PKHD1L1: variants seen among roughly 807,000 people sequenced by gnomAD.
PKHD1L1 encodes the protein PKHD1 like 1, also known as fibrocystin-L.
PKHD1L1 carries 434 observed loss-of-function variants against 462.9 expected under a neutral mutation model. That is an observed-to-expected ratio of 0.94 (90% CI 0.87 to 1.02). The LOEUF (loss-of-function observed/expected upper bound fraction) is 1.02. PKHD1L1 is among the 50% of genes least tolerant of loss of function. The pLI is 0.00. For synonymous variants in PKHD1L1, 1,781 were observed against 1,750.0 expected (o/e 1.02, Z -0.44); for missense variants, 5,202 against 5,096.1 (o/e 1.02, Z -0.63).
rs577476193 is a variant in PKHD1L1, at chr8:109,536,474, A to G, written c.*6384A>G. On this transcript the variant is annotated 3_prime_UTR_variant, in exon 78 of 78. Coordinates refer to ENST00000378402, the MANE Select transcript of PKHD1L1 (RefSeq NM_177531.6). ...TTTTATGTTGGTTGTATGAATTTCA[A>G]TACATTTACTGTTAGAAATAACAAA... Among the ~76,000 whole-genome samples the G allele has an allele frequency of 6.6e-6, 1 of 152,342 alleles. No homozygotes were observed. Among genetic ancestry groups the G allele is most frequent in the East Asian group, 1.9e-4 (1 of 5,190 alleles).
intron 19 of PKHD1L1, among the ~76,000 whole-genome samples, chr8:109,410,653 C>T: frequency 6.6e-6 from 1 of 151,306 alleles, no homozygotes; most frequent in African/African-American, 2.4e-5. Context: ...ATTCAACATG[C>T]GATTTGGTGG....
At position 109,429,991 on chromosome 8, in the gene PKHD1L1, G is replaced by A. The variant is rs914091888; in HGVS notation, c.3183G>A (p.Trp1061Ter). The part of the protein sequence containing the change: ...AKCSGDCGFT[W>*]DSNITPLVLA... ...GTTCAGGTGACTGTGGATTTACATG[G>A]GATTCCAACATTACTCCCCTAGTCT... Residue 1061 changes from tryptophan to a stop codon, truncating the protein, a stop_gained, in exon 27 of 78, where the codon TGG becomes TGA. Transcript: ENST00000378402. LOFTEE classifies it high-confidence loss of function. The A allele has an allele frequency of 1.2e-6, 2 of 1,610,698 alleles. No homozygotes were observed. Among genetic ancestry groups the A allele is most frequent in the Non-Finnish European group, 8.5e-7 (1 of 1,178,778 alleles).
intron 2 of PKHD1L1, among the ~76,000 whole-genome samples, chr8:109,372,396 G>T (rs1811559617): frequency 2.0e-5 from 3 of 152,190 alleles, no homozygotes; most frequent in African/African-American, 7.2e-5. Context: ...AGCTTAAGGA[G>T]ATTTTGGGCT....
In PKHD1L1 at chr8:109,435,200, C is replaced by A. The variant is rs767804271; in HGVS notation, c.3351C>A (p.Leu1117=). 8.7e-6 allele frequency: 14 copies of A among 1,612,962 alleles called. No individual in the cohort carries two copies. The highest frequency in any genetic ancestry group is 1.2e-5 in the Non-Finnish European group (14 of 1,179,548). ...TCTTTTTTTCACAAGAAAAAGAGCTCAAGTGCCAGATTCTGAATGGAAGTG... is the reference window on the plus strand; with the variant it reads ...TCTTTTTTTCACAAGAAAAAGAGCTAAAGTGCCAGATTCTGAATGGAAGTG... The part of the protein sequence containing the change: ...CSLLSVDEKE[L]KCQILNGSAG... The change falls in exon 29 of 78, where the codon CTC becomes CTA. Residue 1117 remains leucine, a synonymous_variant. Transcript: ENST00000378402.
intron 2 of PKHD1L1, among the ~76,000 whole-genome samples, chr8:109,374,793 G>A (rs1811716785): frequency 6.6e-6 from 1 of 152,144 alleles, no homozygotes; most frequent in African/African-American, 2.4e-5. Flanking sequence ...ATTCTGGGTT[G>A]AAAATTCTTT....
Position 109,454,819 on chromosome 8 carries a change from C to T in PKHD1L1, c.6841C>T (p.Leu2281=), listed in dbSNP as rs201606878. Residue 2281 remains leucine, a synonymous_variant, in exon 45 of 78, where the codon CTG becomes TTG. Coordinates refer to ENST00000378402, the MANE Select transcript of PKHD1L1 (RefSeq NM_177531.6). The part of the protein sequence containing the change: ...PELPVYGAKT[L]AVREGILDLH... ...GCTCCCTGTCTATGGTGCCAAAACA[C>T]TGGCTGTGCGGGAGGGAATCCTGGA... 4.3e-4 allele frequency: 686 copies of T among 1,613,824 alleles called. 8 individuals carry two copies. The African/African-American group carries it at 7.7e-3, about 18-fold the overall frequency.
At chr8:109,437,484 C>A (rs1055842037) in intron 30 of PKHD1L1, among the ~76,000 whole-genome samples, 7 of 113,912 alleles carry the variant, frequency 6.1e-5, no homozygotes, top group African/African-American at 2.3e-4. Context: ...CTAATGCTAT[C>A]CCTCCCCCCT....
rs751048048 is a variant in PKHD1L1 at position 109,476,647 on chromosome 8, C to T, written c.8897C>T (p.Thr2966Ile). The T allele has an allele frequency of 1.3e-6, 2 of 1,599,352 alleles. No individual in the cohort carries two copies. Among genetic ancestry groups the T allele is most frequent in the Admixed American group, 3.4e-5 (2 of 58,102 alleles). Residue 2966 changes from threonine to isoleucine, a missense_variant, in exon 52 of 78, where the codon ACT becomes ATT. Thr to Ile is a moderately conservative substitution (Grantham distance 89). Transcript: ENST00000378402. Reference protein sequence around the residue: ...KNGDWHLEANTSTLYYLVSGR... With the variant: ...KNGDWHLEANISTLYYLVSGR... ...GGGGACTGGCACCTTGAAGCAAACA[C>T]TAGTACTCTATATTACTTGGGTATG...
Position 109,510,860 on chromosome 8 carries a change from T to A in PKHD1L1, c.11479T>A (p.Ser3827Thr). 1 of 1,613,358 alleles carries A rather than the reference T, an allele frequency of 6.2e-7. No individual in the cohort carries two copies. Among genetic ancestry groups the A allele is most frequent in the Non-Finnish European group, 8.5e-7 (1 of 1,179,502 alleles). Residue 3827 changes from serine (S) to threonine (T), a missense_variant, in exon 71 of 78, where the codon TCT becomes ACT. By Grantham distance (58) the Ser-to-Thr change is moderately conservative. Coordinates refer to ENST00000378402, the MANE Select transcript of PKHD1L1 (RefSeq NM_177531.6). ...LFHSIVALNK[S>T]YEVYFTGTSP... The stretch of plus-strand genomic sequence containing the variant: ...TCACAGCATTGTGGCTCTGAACAAA[T>A]CTTATGAAGTTTACTTCACTGGCAC...
intron 62 of PKHD1L1, 95 bp from the exon 63 acceptor site, chr8:109,493,566 A>G (rs1369734691): frequency 1.8e-5 from 11 of 616,994 alleles, no homozygotes; most frequent in African/African-American, 3.8e-5. Flanking sequence ...TCATAATTAA[A>G]GGTTTTCATA....
chr8:109,362,496 A>AG lies in PKHD1L1; in HGVS notation c.-84dup. On this transcript the variant is annotated 5_prime_UTR_variant, in exon 1 of 78. Coordinates refer to ENST00000378402, the MANE Select transcript of PKHD1L1 (RefSeq NM_177531.6). ...TCTCCCGGGACGAAGCGGGCCCGCC[A>AG]GCGAGTCGCAGTCCCAGGAGCCGAG... is the stretch of plus-strand genomic sequence containing the variant. The AG allele has an allele frequency of 7.4e-7, 1 of 1,350,044 alleles. No homozygotes were observed. Among genetic ancestry groups the AG allele is most frequent in the South Asian group, 1.3e-5 (1 of 79,668 alleles). The allele number at this position is 1,350,044 out of a possible 1,614,324, so 83.6% of individuals were successfully genotyped here.
At chr8:109,382,316 A>G in intron 3 of PKHD1L1, 147 bp from the exon 4 acceptor site, 1 of 541,100 alleles carries the variant, frequency 1.8e-6, no homozygotes, top group Non-Finnish European at 3.0e-6. Flanking sequence ...TCCATAATAT[A>G]GAATGGAACT....
intron 9 of PKHD1L1, among the ~76,000 whole-genome samples, chr8:109,392,486 A>G (rs1370559707): frequency 6.6e-6 from 1 of 152,016 alleles, no homozygotes; most frequent in Non-Finnish European, 1.5e-5. Flanking sequence ...TCAATTTATA[A>G]TTCCACCCCC....
chr8:109,443,716 C>G lies in PKHD1L1; in HGVS notation c.4605C>G (p.Gly1535=). The G allele has an allele frequency of 6.2e-7, 1 of 1,613,480 alleles. No individual in the cohort carries two copies. Among genetic ancestry groups the G allele is most frequent in the Non-Finnish European group, 8.5e-7 (1 of 1,179,660 alleles). Residue 1535 remains glycine (G), a synonymous_variant, in exon 37 of 78, where the codon GGC becomes GGG. Transcript: ENST00000378402. The part of the protein sequence containing the change: ...ENLHLGSSVA[G]CLATEPLCSL... ...TGCACTTGGGAAGCTCTGTGGCAGG[C>G]TGCCTAGCAACAGAACCCCTGTGCA...
chr8:109,450,878 T>G, intron 40 of PKHD1L1, 97 bp from the exon 41 acceptor site: 2 of 1,179,384 alleles, frequency 1.7e-6, no homozygotes, highest in East Asian at 2.5e-5. Flanking sequence ...AAGATGATTG[T>G]GTGAAAAGGA....
intron 2 of PKHD1L1, among the ~76,000 whole-genome samples, chr8:109,372,696 T>A (rs1175763073): frequency 6.6e-6 from 1 of 152,198 alleles, no homozygotes; most frequent in East Asian, 1.9e-4. Flanking sequence ...CCTAATTTAT[T>A]GAGAGTTTTT....
In PKHD1L1 at chr8:109,445,330, T is replaced by C. The variant is rs773473445; in HGVS notation, c.5461T>C (p.Leu1821=). The C allele has an allele frequency of 1.2e-6, 2 of 1,613,986 alleles. No homozygotes were observed. Among genetic ancestry groups the C allele is most frequent in the South Asian group, 2.2e-5 (2 of 91,082 alleles). ...TAGTGTTGTGGTGGGAAGTAAAGGC[T>C]TGGCTCTGGGAAACCTGACTGTCAG... is the stretch of plus-strand genomic sequence containing the variant. The part of the protein sequence containing the change: ...SVSVVVGSKG[L]ALGNLTVSSP... The change falls in exon 38 of 78, where the codon TTG becomes CTG. Residue 1821 remains leucine, a synonymous_variant. Transcript: ENST00000378402.
intron 36 of PKHD1L1, 63 bp downstream of exon 36, chr8:109,443,179 G>A (rs1260426945): frequency 6.7e-7 from 1 of 1,502,484 alleles, no homozygotes; most frequent in African/African-American, 1.4e-5. Context: ...TGATATTTCT[G>A]GAGCCGGTAG....
At chr8:109,514,617 T>C (rs868308012) in intron 71 of PKHD1L1, among the ~76,000 whole-genome samples, 18 of 152,286 alleles carry the variant, frequency 1.2e-4, no homozygotes, top group South Asian at 6.2e-4. Context: ...AGCTCCATAT[T>C]AATCCTTCCC....
Sources: gnomAD v4.1 joint callset for allele counts (sites outside exome capture counted in the v4.1 genomes callset) on GRCh38, gnomAD v4.1.1 for gene constraint, MANE v1.5 for transcripts, NCBI Gene and HGNC (gene_info 2026-07-23, HGNC 2026-07-21) for gene names.